The following ADCY8 variants were observed in gnomAD, a reference collection of about 807,000 sequenced individuals.
ADCY8 encodes adenylate cyclase 8.
In ADCY8, 51 loss-of-function variants were observed where a neutral mutation model predicts 119.7. The ratio of observed to expected loss-of-function variants is 0.43; its 90% CI spans 0.34 to 0.54. The LOEUF is 0.54. Among genes scored for constraint, ADCY8 ranks in the 20% least tolerant of loss-of-function variants. ADCY8 has a pLI of 0.03. For missense variants in ADCY8, 1,383 were observed against 1,598.8 expected, an observed-to-expected ratio of 0.87 and a Z score of 2.30; for synonymous variants, 665 against 651.0, an observed-to-expected ratio of 1.02 and a Z score of -0.33.
At chr8:131,032,892 GA>G (rs1483475914) in intron 1 of ADCY8, among the ~76,000 whole-genome samples, 1 of 152,142 alleles carries the variant, frequency 6.6e-6, no homozygotes, top group Non-Finnish European at 1.5e-5. Flanking sequence ...AAAATCCTGG[GA>G]AGAAAATTCT....
chr8:130,885,765 G>A (rs765369999), intron 7 of ADCY8, among the ~76,000 whole-genome samples: 11 of 152,180 alleles, frequency 7.2e-5, no homozygotes, highest in Admixed American at 4.6e-4. Flanking sequence ...AGGATGCCAC[G>A]CATCTGTAGA....
At chr8:130,825,490 T>G (rs1411233741) in intron 12 of ADCY8, among the ~76,000 whole-genome samples, 4 of 152,190 alleles carry the variant, frequency 2.6e-5, no homozygotes, top group Admixed American at 2.0e-4. Flanking sequence ...CAAGTTCAAG[T>G]GTACTGTGCC....
At position 130,836,420 on chromosome 8, in the gene ADCY8, C is replaced by T. The variant is rs1412539742; in HGVS notation, c.2532G>A (p.Met844Ile). The change falls in exon 12 of 18, where the codon ATG becomes ATA. Residue 844 changes from methionine to isoleucine, a missense_variant. Physicochemically the swap from Met to Ile is conservative, Grantham distance 10. Coordinates refer to ENST00000286355, the MANE Select transcript of ADCY8 (RefSeq NM_001115.3). ...GCCGGAGGAAAACTGCACAGGTCAC[C>T]ATGGCCAACACCCCCGTGAAGACAA... ...EYFVFTGVLA[M>I]VTCAVFLRLN... The T allele has an allele frequency of 1.2e-6, 2 of 1,613,758 alleles. No homozygotes were observed. Among genetic ancestry groups the T allele is most frequent in the Non-Finnish European group, 1.7e-6 (2 of 1,179,868 alleles).
At chr8:130,848,811 C>A (rs941402345) in intron 10 of ADCY8, among the ~76,000 whole-genome samples, 4 of 152,168 alleles carry the variant, frequency 2.6e-5, no homozygotes, top group African/African-American at 9.7e-5. Context: ...CCTATAGCTA[C>A]CATGGTACAA....
At chr8:130,982,629 A>G (rs1427452216) in intron 2 of ADCY8, among the ~76,000 whole-genome samples, 3 of 152,218 alleles carry the variant, frequency 2.0e-5, no homozygotes, top group East Asian at 3.8e-4. Flanking sequence ...TAGAAATGGG[A>G]CAAGCATCTA....
intron 7 of ADCY8, among the ~76,000 whole-genome samples, chr8:130,888,633 GA>G (rs1408024224): frequency 6.6e-6 from 1 of 152,118 alleles, no homozygotes; most frequent in African/African-American, 2.4e-5. Context: ...CTTCTGAACT[GA>G]GTCTCTGATG....
chr8:131,021,321 C>T (rs775532733), intron 1 of ADCY8, among the ~76,000 whole-genome samples: 2 of 152,098 alleles, frequency 1.3e-5, no homozygotes, highest in Non-Finnish European at 1.5e-5. Context: ...TTCCATCTCT[C>T]CTCATAGTCC....
At chr8:131,012,501 A>C (rs1435249056) in intron 1 of ADCY8, among the ~76,000 whole-genome samples, 1 of 152,242 alleles carries the variant, frequency 6.6e-6, no homozygotes, top group Non-Finnish European at 1.5e-5. Context: ...TCTCAGAAAC[A>C]GTATGAAGAA....
chr8:130,976,809 A>G (rs1198803147), intron 2 of ADCY8, among the ~76,000 whole-genome samples: 1 of 152,196 alleles, frequency 6.6e-6, no homozygotes, highest in African/African-American at 2.4e-5. Context: ...CTCCTCAAAT[A>G]TGATATTTAA....
At chr8:131,017,218 T>C (rs2130789042) in intron 1 of ADCY8, among the ~76,000 whole-genome samples, 1 of 152,212 alleles carries the variant, frequency 6.6e-6, no homozygotes, top group South Asian at 2.1e-4. Context: ...TACAGGCATG[T>C]GCCACCACGC....
chr8:130,807,171 G>A (rs980662953), intron 14 of ADCY8, among the ~76,000 whole-genome samples: 1 of 152,172 alleles, frequency 6.6e-6, no homozygotes, highest in East Asian at 1.9e-4. Flanking sequence ...GAGGACTGAC[G>A]TCCTCTCTGC....
At position 130,903,952 on chromosome 8, in the gene ADCY8, C is replaced by T. The variant is rs1016213172; in HGVS notation, c.1731G>A (p.Leu577=). The T allele has an allele frequency of 3.7e-6, 6 of 1,614,044 alleles. No homozygotes were observed. In the Admixed American group the frequency reaches 5.0e-5, roughly 13 times the overall value. The change falls in exon 7 of 18, where the codon CTG becomes CTA. Residue 577 remains leucine, a synonymous_variant. Transcript: ENST00000286355. ...EGHGKERNEF[L]RKHNIETYLI... ...AGTAAGTTTCGATATTATGCTTCCT[C>T]AGGAATTCATTCCTCTCTTTACCAT...
chr8:131,035,632 C>T (rs1373811424), intron 1 of ADCY8, among the ~76,000 whole-genome samples: 1 of 152,100 alleles, frequency 6.6e-6, no homozygotes, highest in Admixed American at 6.5e-5. Flanking sequence ...ATGTCATTTC[C>T]TTCAGGGTAG....
chr8:131,011,493 C>T (rs963026558), intron 1 of ADCY8, among the ~76,000 whole-genome samples: 2 of 152,136 alleles, frequency 1.3e-5, no homozygotes, highest in Non-Finnish European at 2.9e-5. Context: ...GCCAAAGCTG[C>T]CCTTCTCACC....
At chr8:130,849,354 A>T (rs1000263628) in intron 10 of ADCY8, among the ~76,000 whole-genome samples, 3 of 152,190 alleles carry the variant, frequency 2.0e-5, no homozygotes, top group Non-Finnish European at 4.4e-5. Context: ...ATGGAAATTG[A>T]AGGGCTTTTG....
chr8:130,896,390 A>G (rs1819388708), intron 7 of ADCY8, among the ~76,000 whole-genome samples: 1 of 152,194 alleles, frequency 6.6e-6, no homozygotes, highest in Non-Finnish European at 1.5e-5. Flanking sequence ...GCTGAATGAT[A>G]AAAGTAAGAT....
chr8:130,990,950 GA>G (rs1240747358), intron 1 of ADCY8: 1 of 154,982 alleles, frequency 6.5e-6, no homozygotes, highest in Admixed American at 6.4e-5. Context: ...GGAATCCATT[GA>G]ATACCTTTGC....
intron 11 of ADCY8, among the ~76,000 whole-genome samples, chr8:130,845,219 G>A (rs1817260571): frequency 1.3e-5 from 2 of 152,072 alleles, no homozygotes. Flanking sequence ...TGAGTGCTGT[G>A]GTCTTGTGTT....
chr8:130,927,558 A>ATCAT (rs1820510026), intron 5 of ADCY8, among the ~76,000 whole-genome samples: 1 of 152,154 alleles, frequency 6.6e-6, no homozygotes, highest in Admixed American at 6.5e-5. Context: ...TCACTATCTT[A>ATCAT]ATCGTTTCTT....
Sources: allele counts gnomAD v4.1 joint callset (sites outside exome capture counted in the v4.1 genomes callset), GRCh38; gene constraint gnomAD v4.1.1; transcripts MANE v1.5; gene names NCBI Gene and HGNC (gene_info 2026-07-23, HGNC 2026-07-21).